The following SHISA9 variants were observed in gnomAD, a reference collection of about 807,000 sequenced individuals.
The protein encoded by SHISA9 is protein shisa-9.
In SHISA9, 13 loss-of-function variants were observed where a neutral mutation model predicts 38.0. That is an observed-to-expected ratio of 0.34 (90% CI 0.22 to 0.54). The LOEUF is 0.54. Among genes scored for constraint, SHISA9 ranks in the 20% least tolerant of loss-of-function variants. The pLI is 0.91. For synonymous variants in SHISA9, 275 were observed against 242.0 expected (o/e 1.14, Z -1.27); for missense variants, 538 against 575.8 (o/e 0.93, Z 0.67).
intron 2 of SHISA9, among the ~76,000 whole-genome samples, chr16:13,162,102 GC>G (rs1197560232): frequency 6.6e-6 from 1 of 152,130 alleles, no homozygotes; most frequent in Non-Finnish European, 1.5e-5. Flanking sequence ...AGACAAGTTA[GC>G]CCATATGAAC....
At chr16:13,296,891 CAAAAAAAAAA>C in the SHISA9 span, among the ~76,000 whole-genome samples, 85 of 26,604 alleles carry the variant, frequency 3.2e-3, no homozygotes, top group African/African-American at 8.1e-3. Context: ...AACTCCATCT[CAAAAAAAAAA>C]AAAAAAAAAA....
chr16:12,966,145 C>T (rs1367488366), intron 2 of SHISA9, among the ~76,000 whole-genome samples: 1 of 152,192 alleles, frequency 6.6e-6, no homozygotes, highest in Non-Finnish European at 1.5e-5. Context: ...GCCAGATGTC[C>T]CCTAGAGGGC....
chr16:13,378,386 C>T, the SHISA9 span, among the ~76,000 whole-genome samples: 1 of 152,130 alleles, frequency 6.6e-6, no homozygotes, highest in Non-Finnish European at 1.5e-5. Context: ...TCCAAGCAGC[C>T]CTGGCATTAC....
intron 2 of SHISA9, among the ~76,000 whole-genome samples, chr16:13,015,895 TTTC>T (rs2072745154): frequency 1.1e-4 from 13 of 119,110 alleles, no homozygotes; most frequent in Admixed American, 1.7e-4. Flanking sequence ...TCTTTCTTTC[TTTC>T]TTTCTTTCTT....
chr16:13,375,770 G>C, the SHISA9 span, among the ~76,000 whole-genome samples: 5 of 152,208 alleles, frequency 3.3e-5, no homozygotes, highest in Non-Finnish European at 7.4e-5. Context: ...AACTAAAGAA[G>C]ACCTAAGTAA....
chr16:13,453,964 C>A, the SHISA9 span, among the ~76,000 whole-genome samples: 1 of 152,098 alleles, frequency 6.6e-6, no homozygotes, highest in East Asian at 1.9e-4. Flanking sequence ...GTTATAATAC[C>A]GTCATCTCAT....
intron 2 of SHISA9, among the ~76,000 whole-genome samples, chr16:13,105,419 C>T (rs923917586): frequency 2.0e-5 from 3 of 152,130 alleles, no homozygotes; most frequent in Admixed American, 6.5e-5. Flanking sequence ...ACTTGCTTAC[C>T]ACAACAGGTC....
intron 2 of SHISA9, among the ~76,000 whole-genome samples, chr16:12,979,582 C>T (rs1215842363): frequency 6.6e-6 from 1 of 152,032 alleles, no homozygotes; most frequent in Non-Finnish European, 1.5e-5. Flanking sequence ...TATTGCTTCT[C>T]GTATAGTCTT....
At chr16:13,112,536 T>C (rs1341793471) in intron 2 of SHISA9, among the ~76,000 whole-genome samples, 2 of 152,202 alleles carry the variant, frequency 1.3e-5, no homozygotes, top group East Asian at 3.9e-4. Flanking sequence ...CCACAGCTAC[T>C]GAATCAACTG....
chr16:13,270,236 G>C, the SHISA9 span, among the ~76,000 whole-genome samples: 2 of 152,128 alleles, frequency 1.3e-5, no homozygotes, highest in Non-Finnish European at 2.9e-5. Flanking sequence ...CAAGGAGTAG[G>C]ACTTTGGAGC....
chr16:13,178,976 T>C (rs1308256018), intron 2 of SHISA9, among the ~76,000 whole-genome samples: 1 of 152,220 alleles, frequency 6.6e-6, no homozygotes, highest in Non-Finnish European at 1.5e-5. Flanking sequence ...CTCAAAATCA[T>C]TGAGTTGTTG....
At chr16:12,903,363 GC>G (rs1405174960) in intron 1 of SHISA9, among the ~76,000 whole-genome samples, 1 of 152,216 alleles carries the variant, frequency 6.6e-6, no homozygotes. Flanking sequence ...GGGGGCCCGA[GC>G]CCCCTCCTCG....
At chr16:13,433,719 G>A in the SHISA9 span, among the ~76,000 whole-genome samples, 3 of 152,338 alleles carry the variant, frequency 2.0e-5, no homozygotes, top group East Asian at 5.8e-4. Flanking sequence ...AATGCAAGGG[G>A]AAATGGATAG....
chr16:13,309,663 A>G, the SHISA9 span, among the ~76,000 whole-genome samples: 6 of 149,988 alleles, frequency 4.0e-5, no homozygotes, highest in Non-Finnish European at 7.4e-5. Flanking sequence ...AAAAAAAAAG[A>G]AAGTTGGAGA....
the SHISA9 span, among the ~76,000 whole-genome samples, chr16:13,287,423 C>A: frequency 6.6e-6 from 1 of 152,242 alleles, no homozygotes; most frequent in Non-Finnish European, 1.5e-5. Flanking sequence ...AGATGGAGAA[C>A]AACTAAGCTG....
At chr16:13,304,841 G>C in the SHISA9 span, among the ~76,000 whole-genome samples, 1 of 152,178 alleles carries the variant, frequency 6.6e-6, no homozygotes, top group Non-Finnish European at 1.5e-5. Flanking sequence ...TTGGTTTCCA[G>C]AGGGCAGAAG....
the SHISA9 span, among the ~76,000 whole-genome samples, chr16:13,345,293 T>G: frequency 0.79 from 119,721 of 151,922 alleles, 47,452 homozygotes; most frequent in East Asian, 0.96. Context: ...AGTGTGTGCT[T>G]TTCCCCTCTG....
At chr16:13,226,704 G>C (rs890415101) in intron 4 of SHISA9, among the ~76,000 whole-genome samples, 3 of 152,154 alleles carry the variant, frequency 2.0e-5, no homozygotes, top group East Asian at 1.9e-4. Context: ...GGATTTTCTT[G>C]GTATCTGGGT....
At chr16:13,041,915 A>C (rs1021215573) in intron 2 of SHISA9, among the ~76,000 whole-genome samples, 2 of 152,238 alleles carry the variant, frequency 1.3e-5, no homozygotes, top group Non-Finnish European at 2.9e-5. Flanking sequence ...ACATATGAGT[A>C]CCATCGAATC....
Sources: gnomAD v4.1 joint callset for allele counts (sites outside exome capture counted in the v4.1 genomes callset) on GRCh38, gnomAD v4.1.1 for gene constraint, MANE v1.5 for transcripts, NCBI Gene and HGNC (gene_info 2026-07-23, HGNC 2026-07-21) for gene names.